Variants in ARMC2 observed in about 807,000 individuals in gnomAD.
ARMC2 encodes armadillo repeat-containing protein 2.
In ARMC2, 67 loss-of-function variants were observed where a neutral mutation model predicts 90.3. That is an observed-to-expected ratio of 0.74 (90% confidence interval 0.61 to 0.91). ARMC2 has a LOEUF of 0.91. ARMC2 is among the 40% of genes least tolerant of loss of function. The pLI, the probability that ARMC2 is intolerant of heterozygous loss-of-function variation, is 0.00. For missense variants in ARMC2, 920 were observed against 1,030.9 expected, an observed-to-expected ratio of 0.89 and a Z score of 1.47; for synonymous variants, 393 against 393.0, an observed-to-expected ratio of 1.00 and a Z score of 0.00.
At chr6:108,855,860 G>A (rs1048570044) in intron 2 of ARMC2, among the ~76,000 whole-genome samples, 24 of 152,070 alleles carry the variant, frequency 1.6e-4, no homozygotes, top group African/African-American at 4.8e-4. Context: ...TGTCTTCTTT[G>A]GTCAGGTGTC....
Position 108,910,966 on chromosome 6 carries a change from A to T in ARMC2, c.1091A>T (p.Lys364Met). 9 of 1,584,774 alleles carry T rather than the reference A, an allele frequency of 5.7e-6. No homozygotes were observed. The highest frequency in any genetic ancestry group is 7.7e-6 in the Non-Finnish European group (9 of 1,165,326). ...KLIFKISRNE[K>M]NDSLIQNDSI... ...ATATTTAAAATTAGCAGGAATGAGA[A>T]GAATGATTCTTTGATTCAAAATGAC... The change falls in exon 9 of 18, where the codon AAG becomes ATG. Residue 364 changes from lysine to methionine, a missense_variant. Transcript: ENST00000392644.
At chr6:108,884,087 A>C (rs1390274176) in intron 5 of ARMC2, among the ~76,000 whole-genome samples, 1 of 152,214 alleles carries the variant, frequency 6.6e-6, no homozygotes, top group Non-Finnish European at 1.5e-5. Flanking sequence ...GTGGCTGAGA[A>C]ACTTTCCATT....
intron 17 of ARMC2, among the ~76,000 whole-genome samples, chr6:108,968,590 G>A (rs549058182): frequency 1.1e-3 from 171 of 152,304 alleles, no homozygotes; most frequent in Non-Finnish European, 2.5e-4. Context: ...ACTTCTGACC[G>A]GGTCGTGGCT....
At chr6:108,985,105 CATGT>C in the ARMC2 span, among the ~76,000 whole-genome samples, 3 of 152,060 alleles carry the variant, frequency 2.0e-5, no homozygotes, top group Non-Finnish European at 4.4e-5. Context: ...ATTTCTGATT[CATGT>C]ATGATATTCA....
intron 17 of ARMC2, among the ~76,000 whole-genome samples, chr6:108,969,941 T>A (rs1778644974): frequency 6.6e-6 from 1 of 152,020 alleles, no homozygotes; most frequent in African/African-American, 2.4e-5. Context: ...GAAACTGAGG[T>A]GGGAGAATCA....
At chr6:108,940,039 A>G (rs1223003822) in intron 12 of ARMC2, among the ~76,000 whole-genome samples, 2 of 151,922 alleles carry the variant, frequency 1.3e-5, no homozygotes, top group South Asian at 2.1e-4. Flanking sequence ...TTCTTTTTCT[A>G]TTGGTTGCTA....
chr6:108,888,579 T>C (rs895292903), intron 5 of ARMC2, among the ~76,000 whole-genome samples: 3 of 152,190 alleles, frequency 2.0e-5, no homozygotes, highest in Admixed American at 1.3e-4. Flanking sequence ...GAGAAACAGA[T>C]TTCTTTTGAG....
the ARMC2 span, among the ~76,000 whole-genome samples, chr6:109,050,027 TAAC>T: frequency 6.6e-6 from 1 of 152,168 alleles, no homozygotes; most frequent in Non-Finnish European, 1.5e-5. Flanking sequence ...AGTAAAGGAA[TAAC>T]AACTGATTTT....
At chr6:108,997,314 A>G in the ARMC2 span, among the ~76,000 whole-genome samples, 1 of 152,198 alleles carries the variant, frequency 6.6e-6, no homozygotes, top group Non-Finnish European at 1.5e-5. Flanking sequence ...TAGCAAGGAG[A>G]AGAATCCATC....
At chr6:108,874,260 C>T (rs1776722214) in intron 4 of ARMC2, among the ~76,000 whole-genome samples, 2 of 152,210 alleles carry the variant, frequency 1.3e-5, no homozygotes, top group Non-Finnish European at 1.5e-5. Flanking sequence ...ACAGGTATAG[C>T]TCCTTGACCT....
Position 108,917,201 on chromosome 6 carries a change from T to C in ARMC2, c.1350+4643T>C, listed in dbSNP as rs1291626923. ...TATACTGTTTTTGAAGTTAGAACTG[T>C]TCTGCAGCACCCCAGGTAACATGGT... On this transcript the variant is annotated intron_variant, in intron 10 of 17. Transcript: ENST00000392644. Among the ~76,000 whole-genome samples the C allele has an allele frequency of 2.6e-5, 4 of 152,282 alleles. No homozygotes were observed. The East Asian group carries it at 7.7e-4, about 29-fold the overall frequency.
chr6:109,039,369 G>A, the ARMC2 span, among the ~76,000 whole-genome samples: 1 of 152,204 alleles, frequency 6.6e-6, no homozygotes, highest in Admixed American at 6.5e-5. Context: ...ATGATTAACT[G>A]AGAATTTTCT....
chr6:108,928,221 C>T lies in ARMC2; in HGVS notation c.1484C>T (p.Ala495Val), dbSNP rs775864051. The T allele has an allele frequency of 1.2e-5, 18 of 1,539,402 alleles. No homozygotes were observed. The highest frequency in any genetic ancestry group is 7.7e-5 in the South Asian group (6 of 77,726). The change falls in exon 11 of 18, where the codon GCC becomes GTC. Residue 495 changes from alanine to valine, a missense_variant. Ala to Val is a moderately conservative substitution (Grantham distance 64). Transcript: ENST00000392644. ...GACAAGGACGTCTGTACCAATATTG[C>T]CAGAATATTCAGGTAGGTAGACTAA... ...KGDKDVCTNI[A>V]RIFSKLTSYR...
intron 8 of ARMC2, among the ~76,000 whole-genome samples, chr6:108,906,486 T>C (rs1772735044): frequency 6.6e-6 from 1 of 152,100 alleles, no homozygotes; most frequent in Non-Finnish European, 1.5e-5. Context: ...TTTTTTTTTT[T>C]TCTTTTTCTT....
At chr6:109,009,519 G>T in the ARMC2 span, 2 of 1,190,172 alleles carry the variant, frequency 1.7e-6, no homozygotes, top group African/African-American at 1.6e-5. Flanking sequence ...AGCCGGCCGC[G>T]GCTCCTGGCT....
downstream of ARMC2, among the ~76,000 whole-genome samples, chr6:108,979,040 T>G (rs924225564): frequency 6.6e-6 from 1 of 152,228 alleles, no homozygotes. Flanking sequence ...CCTGTCATTA[T>G]GATGATAGCT....
At chr6:108,970,999 G>A (rs1273846660) in intron 17 of ARMC2, among the ~76,000 whole-genome samples, 1 of 152,000 alleles carries the variant, frequency 6.6e-6, no homozygotes, top group African/African-American at 2.4e-5. Context: ...AAGGTGGGTG[G>A]ATCACCTGAG....
At chr6:108,998,933 A>AC in the ARMC2 span, 5 of 559,106 alleles carry the variant, frequency 8.9e-6, no homozygotes, top group South Asian at 1.3e-4. Context: ...TGCATTCACA[A>AC]ATAGAACTTA....
intron 5 of ARMC2, among the ~76,000 whole-genome samples, chr6:108,887,522 G>T (rs1177872944): frequency 1.3e-5 from 2 of 152,194 alleles, no homozygotes; most frequent in Non-Finnish European, 2.9e-5. Flanking sequence ...TGAGGGAAGG[G>T]CAGAGCTGAG....
Sources: allele counts gnomAD v4.1 joint callset (sites outside exome capture counted in the v4.1 genomes callset), GRCh38; gene constraint gnomAD v4.1.1; transcripts MANE v1.5; gene names NCBI Gene and HGNC (gene_info 2026-07-23, HGNC 2026-07-21).